TRAPPC3L: variants seen among roughly 807,000 people sequenced by gnomAD.
TRAPPC3L encodes the protein trafficking protein particle complex subunit 3-like protein.
In TRAPPC3L, 23 loss-of-function variants were observed where a neutral mutation model predicts 23.7. The observed-to-expected ratio is 0.97, with a 90% CI of 0.70 to 1.37. TRAPPC3L has a LOEUF of 1.37. Among genes scored for constraint, TRAPPC3L ranks in the 40% most tolerant of loss-of-function variants. The pLI, the probability that TRAPPC3L is intolerant of heterozygous loss-of-function variation, is 0.00. For missense variants in TRAPPC3L, 212 were observed against 216.8 expected, an observed-to-expected ratio of 0.98 and a Z score of 0.14; for synonymous variants, 81 against 77.9, an observed-to-expected ratio of 1.04 and a Z score of -0.21.
At chr6:116,532,840 G>A (rs574419285) in intron 3 of TRAPPC3L, among the ~76,000 whole-genome samples, 4 of 152,218 alleles carry the variant, frequency 2.6e-5, no homozygotes, top group Non-Finnish European at 5.9e-5. Context: ...GTTAAGTAAG[G>A]TTAATCATGG....
rs563216663 is a variant in TRAPPC3L, at chr6:116,541,930, A to AT, written c.140+1372dup. On this transcript the variant is annotated intron_variant, in intron 2 of 4. Coordinates refer to ENST00000368602, the MANE Select transcript of TRAPPC3L (RefSeq NM_001139444.3). ...AGCTATTAAGGAAATCTAAATGTGA[A>AT]TTTTTTTCTTAAGGAAAGATCTTTC... Among the ~76,000 whole-genome samples the AT allele has an allele frequency of 1.4e-3, 209 of 152,220 alleles. 1 individual carries two copies. Among genetic ancestry groups the AT allele is most frequent in the African/African-American group, 4.4e-3 (184 of 41,556 alleles).
chr6:116,538,212 C>T (rs867222599), intron 3 of TRAPPC3L, among the ~76,000 whole-genome samples: 7 of 152,266 alleles, frequency 4.6e-5, no homozygotes, highest in African/African-American at 1.4e-4. Flanking sequence ...TTGCCCTCAG[C>T]GCTAATAATA....
chr6:116,503,116 A>T (rs1422383515), intron 3 of TRAPPC3L, among the ~76,000 whole-genome samples: 6 of 152,194 alleles, frequency 3.9e-5, no homozygotes, highest in Non-Finnish European at 7.3e-5. Context: ...AGTGTGCTGT[A>T]TTCAGGAGAC....
At chr6:116,499,662 A>G (rs1460760950) in intron 4 of TRAPPC3L, among the ~76,000 whole-genome samples, 2 of 152,172 alleles carry the variant, frequency 1.3e-5, no homozygotes, top group Non-Finnish European at 2.9e-5. Flanking sequence ...ACCTTTGGAC[A>G]TGCTGATTCT....
At chr6:116,518,337 G>C (rs1772266658) in intron 3 of TRAPPC3L, 1 of 152,226 alleles carries the variant, frequency 6.6e-6, no homozygotes, top group African/African-American at 2.4e-5. Context: ...GAATTGGCCA[G>C]TGTGGGAGAA....
intron 4 of TRAPPC3L, among the ~76,000 whole-genome samples, chr6:116,497,857 A>G (rs2257086): frequency 0.75 from 114,573 of 152,132 alleles, 43,682 homozygotes; most frequent in African/African-American, 0.87. Flanking sequence ...AAATGCCCAC[A>G]TGTAGCAGGC....
At chr6:116,504,996 T>C (rs1030089409) in intron 3 of TRAPPC3L, among the ~76,000 whole-genome samples, 4 of 152,136 alleles carry the variant, frequency 2.6e-5, no homozygotes, top group Non-Finnish European at 4.4e-5. Flanking sequence ...CTATTCAACA[T>C]AGTATTGGAA....
At chr6:116,504,177 A>AT (rs1206155256) in intron 3 of TRAPPC3L, among the ~76,000 whole-genome samples, 1 of 152,218 alleles carries the variant, frequency 6.6e-6, no homozygotes, top group African/African-American at 2.4e-5. Flanking sequence ...AGTAGACACA[A>AT]TAAAAAATGA....
intron 4 of TRAPPC3L, among the ~76,000 whole-genome samples, chr6:116,499,794 C>T (rs1017796647): frequency 1.2e-4 from 19 of 152,182 alleles, no homozygotes; most frequent in African/African-American, 4.3e-4. Context: ...TCCTGCCACA[C>T]GTCCTCTCAT....
intron 3 of TRAPPC3L, chr6:116,519,391 A>C (rs1320340728): frequency 1.3e-5 from 2 of 152,210 alleles, no homozygotes; most frequent in South Asian, 2.1e-4. Flanking sequence ...TGGGGCTTCC[A>C]TTGCAGCCAA....
intron 3 of TRAPPC3L, among the ~76,000 whole-genome samples, chr6:116,538,243 G>T (rs1199022073): frequency 6.6e-6 from 1 of 152,154 alleles, no homozygotes; most frequent in Non-Finnish European, 1.5e-5. Flanking sequence ...AAAAACTGGA[G>T]AATCCTCCCA....
At chr6:116,516,140 C>T in intron 3 of TRAPPC3L, 1 of 1,054,030 alleles carries the variant, frequency 9.5e-7, no homozygotes, top group Admixed American at 3.1e-5. Flanking sequence ...CTTTGAAGCT[C>T]TCAAGTGGAA....
intron 4 of TRAPPC3L, among the ~76,000 whole-genome samples, chr6:116,499,177 A>G (rs1442164047): frequency 6.6e-6 from 1 of 152,182 alleles, no homozygotes. Flanking sequence ...GAAACTTACA[A>G]ATCATTCTTG....
chr6:116,506,198 G>A (rs1235494659), intron 3 of TRAPPC3L, among the ~76,000 whole-genome samples: 1 of 152,120 alleles, frequency 6.6e-6, no homozygotes, highest in African/African-American at 2.4e-5. Flanking sequence ...ATCAAAAAGT[G>A]GGCAAAGGAT....
Position 116,497,175 on chromosome 6 carries a change from G to A in TRAPPC3L, c.427-102C>T, listed in dbSNP as rs916921568. On this transcript the variant is annotated intron_variant, in intron 4 of 4. Transcript: ENST00000368602. ...GCTTTCTTTACTTTCCTTAAGAAAT[G>A]ATTTTTAAAAAAGCTTGTTCGTGGA... 8 of 1,416,392 alleles carry A rather than the reference G, an allele frequency of 5.6e-6. No individual in the cohort carries two copies. The East Asian group carries it at 1.6e-4, about 28-fold the overall frequency. The allele number at this position is 1,416,392 out of a possible 1,614,324, so 87.7% of individuals were successfully genotyped here.
Position 116,543,319 on chromosome 6 carries a change from G to T in TRAPPC3L, c.124C>A (p.Gln42Lys), listed in dbSNP as rs1468702724. 6 of 1,548,774 alleles carry T rather than the reference G, an allele frequency of 3.9e-6. No homozygotes were observed. Among genetic ancestry groups the T allele is most frequent in the Non-Finnish European group, 5.2e-6 (6 of 1,145,108 alleles). ...KDYEKDEDVNQYLDKMGYGIG... is the reference protein window; with the variant it reads ...KDYEKDEDVNKYLDKMGYGIG... ...TCCACTTACATTTTATCTAAATATT[G>T]GTTCACATCTTCATCCTTCTCATAA... The change falls in exon 2 of 5, where the codon CAA (glutamine) becomes AAA (lysine). Residue 42 changes from glutamine (Q) to lysine (K), a missense_variant. Transcript: ENST00000368602.
chr6:116,526,763 G>A (rs1022710091), intron 3 of TRAPPC3L, among the ~76,000 whole-genome samples: 1 of 152,022 alleles, frequency 6.6e-6, no homozygotes, highest in African/African-American at 2.4e-5. Context: ...GTTTCCCAGG[G>A]TATTTACTCC....
chr6:116,500,696 CT>C (rs1771898317), intron 3 of TRAPPC3L, 30 bp from the exon 4 acceptor site: 1 of 1,542,892 alleles, frequency 6.5e-7, no homozygotes, highest in African/African-American at 1.4e-5. Flanking sequence ...ATTACTAAAA[CT>C]TGGTCTAGAA....
At position 116,500,470 on chromosome 6, in the gene TRAPPC3L, T is replaced by C. The variant is rs759748688; in HGVS notation, c.426+11A>G. 3 of 1,542,200 alleles carry C rather than the reference T, an allele frequency of 1.9e-6. No individual in the cohort carries two copies. In the South Asian group the frequency reaches 3.6e-5, roughly 18 times the overall value. On this transcript the variant is annotated intron_variant, in intron 4 of 4. Transcript: ENST00000368602. ...AGATTCTTCATTCATTCTTCACTTATTCAACTTTACCATTTCCAAGGCACC... is the reference window on the plus strand; with the variant it reads ...AGATTCTTCATTCATTCTTCACTTACTCAACTTTACCATTTCCAAGGCACC...
Sources: allele counts gnomAD v4.1 joint callset (sites outside exome capture counted in the v4.1 genomes callset), GRCh38; gene constraint gnomAD v4.1.1; transcripts MANE v1.5; gene names NCBI Gene and HGNC (gene_info 2026-07-23, HGNC 2026-07-21).